The following NEBL variants were observed in gnomAD, a reference collection of about 807,000 sequenced individuals.
The protein encoded by NEBL is LIM and SH3 protein 2.
In NEBL, 122 loss-of-function variants were observed where a neutral mutation model predicts 140.2. The observed-to-expected ratio is 0.87, with a 90% CI of 0.75 to 1.01. The LOEUF is 1.01. NEBL is among the 50% of genes least tolerant of loss of function. The pLI is 0.00. For synonymous variants in NEBL, 436 were observed against 398.9 expected, an observed-to-expected ratio of 1.09 and a Z score of -1.11; for missense variants, 1,365 against 1,231.3, an observed-to-expected ratio of 1.11 and a Z score of -1.62.
intron 2 of NEBL, among the ~76,000 whole-genome samples, chr10:21,168,863 A>G (rs1428877093): frequency 1.3e-5 from 2 of 151,060 alleles, no homozygotes; most frequent in South Asian, 2.1e-4. Context: ...CCTAGCTAAC[A>G]TGGTGAAACC....
chr10:20,951,757 A>G (rs1835478172), intron 4 of NEBL, among the ~76,000 whole-genome samples: 2 of 152,202 alleles, frequency 1.3e-5, no homozygotes, highest in Admixed American at 1.3e-4. Flanking sequence ...TATATACATA[A>G]GAGTTCTGGT....
At chr10:20,797,018 C>T (rs1836614207) in intron 26 of NEBL, among the ~76,000 whole-genome samples, 1 of 152,210 alleles carries the variant, frequency 6.6e-6, no homozygotes, top group South Asian at 2.1e-4. Flanking sequence ...GGCAGTTCTT[C>T]GATAAGGGGA....
intron 2 of NEBL, among the ~76,000 whole-genome samples, chr10:21,137,847 G>T (rs1389936161): frequency 6.6e-6 from 1 of 151,538 alleles, no homozygotes; most frequent in East Asian, 1.9e-4. Flanking sequence ...GGAGGCAGAG[G>T]TAGAAGTATC....
intron 24 of NEBL, among the ~76,000 whole-genome samples, chr10:20,811,314 A>G (rs775812285): frequency 1.1e-4 from 17 of 152,162 alleles, no homozygotes; most frequent in Admixed American, 2.0e-4. Context: ...CGACCTCACC[A>G]TCATTCCTGA....
chr10:20,828,668 CTA>C (rs747218617), intron 16 of NEBL, 34 bp from the exon 17 acceptor site: 11 of 1,380,170 alleles, frequency 8.0e-6, no homozygotes, highest in Admixed American at 5.2e-5. Flanking sequence ...AAATCTGAAA[CTA>C]TGTGTGTGCG....
chr10:21,085,451 G>A lies in NEBL; in HGVS notation c.165-65250C>T, dbSNP rs190987511. On this transcript the variant is annotated intron_variant, in intron 2 of 6. Coordinates refer to the NEBL transcript ENST00000417816. The stretch of plus-strand genomic sequence containing the variant: ...AGTCTGGGCAACAAAATGAGAACCT[G>A]TCTCTACAAACAACAAACAAACAAA... Among the ~76,000 whole-genome samples the A allele has an allele frequency of 3.3e-5, 5 of 152,216 alleles. No individual in the cohort carries two copies. In the East Asian group the frequency reaches 9.7e-4, roughly 29 times the overall value.
At chr10:21,224,552 G>A (rs191908199) in intron 3 of NEBL, among the ~76,000 whole-genome samples, 44 of 152,236 alleles carry the variant, frequency 2.9e-4, no homozygotes, top group African/African-American at 9.9e-4. Context: ...TGTGATGAAT[G>A]TCAATGGTAT....
chr10:21,179,379 A>C (rs1160825710), upstream of NEBL, among the ~76,000 whole-genome samples: 1 of 152,192 alleles, frequency 6.6e-6, no homozygotes, highest in African/African-American at 2.4e-5. Context: ...CACTGAGGCC[A>C]GCTGCTCTGA....
intron 4 of NEBL, among the ~76,000 whole-genome samples, chr10:20,942,852 T>G (rs2131574290): frequency 6.6e-6 from 1 of 152,342 alleles, no homozygotes; most frequent in South Asian, 2.1e-4. Flanking sequence ...TCATCATCAC[T>G]GGCCATCAGA....
intron 2 of NEBL, chr10:21,172,376 T>C (rs1841117364): frequency 1.2e-6 from 2 of 1,606,408 alleles, no homozygotes; most frequent in African/African-American, 1.3e-5. Context: ...GTGTTGACAA[T>C]ACTTACGCAT....
chr10:21,063,319 C>T (rs1292998829), intron 2 of NEBL, among the ~76,000 whole-genome samples: 1 of 152,180 alleles, frequency 6.6e-6, no homozygotes, highest in Non-Finnish European at 1.5e-5. Context: ...CCATCAAGGA[C>T]ATGGGCTGCA....
chr10:21,149,736 C>G (rs998407346), intron 2 of NEBL, among the ~76,000 whole-genome samples: 1 of 152,228 alleles, frequency 6.6e-6, no homozygotes, highest in African/African-American at 2.4e-5. Context: ...ATAAAGCCAA[C>G]TGGAGCTTGC....
At chr10:21,252,598 T>C (rs1842600776) in intron 1 of NEBL, among the ~76,000 whole-genome samples, 1 of 152,114 alleles carries the variant, frequency 6.6e-6, no homozygotes, top group African/African-American at 2.4e-5. Flanking sequence ...AAAAAATATA[T>C]ATAAATATAC....
chr10:21,042,825 T>C (rs554766544), intron 2 of NEBL, among the ~76,000 whole-genome samples: 1 of 152,254 alleles, frequency 6.6e-6, no homozygotes, highest in African/African-American at 2.4e-5. Flanking sequence ...GAAGTACACA[T>C]TCATTTTGAT....
intron 2 of NEBL, among the ~76,000 whole-genome samples, chr10:21,067,503 C>G (rs1273690619): frequency 6.6e-6 from 1 of 151,896 alleles, no homozygotes; most frequent in Non-Finnish European, 1.5e-5. Flanking sequence ...AAGAAGGGAA[C>G]AAGTAAGAGA....
At chr10:20,822,303 G>A (rs181836472) in intron 19 of NEBL, among the ~76,000 whole-genome samples, 1 of 151,666 alleles carries the variant, frequency 6.6e-6, no homozygotes, top group East Asian at 1.9e-4. Context: ...GTTTAGTTTT[G>A]TCACTTGTTT....
intron 2 of NEBL, among the ~76,000 whole-genome samples, chr10:21,171,337 AAAAAAAAAAAAAG>A (rs200900765): frequency 0.22 from 30,025 of 139,000 alleles, 3,342 homozygotes; most frequent in East Asian, 0.36. Flanking sequence ...TTCTGTCTCA[AAAAAAAAAAAAAG>A]AAAAAAAAAA....
chr10:20,907,694 C>T (rs192370975), intron 4 of NEBL, among the ~76,000 whole-genome samples: 10 of 152,130 alleles, frequency 6.6e-5, no homozygotes, highest in Admixed American at 2.6e-4. Flanking sequence ...TTCACTGAAA[C>T]GAGATTTTCC....
chr10:21,212,478 G>A (rs778259933), intron 3 of NEBL, among the ~76,000 whole-genome samples: 1 of 152,152 alleles, frequency 6.6e-6, no homozygotes, highest in Admixed American at 6.5e-5. Context: ...GGCAAGCAAC[G>A]GCTGAAAAGA....
Sources: allele counts gnomAD v4.1 joint callset (sites outside exome capture counted in the v4.1 genomes callset), GRCh38; gene constraint gnomAD v4.1.1; transcripts MANE v1.5; gene names NCBI Gene and HGNC (gene_info 2026-07-23, HGNC 2026-07-21).